ALK: variants seen among roughly 807,000 people sequenced by gnomAD.
The protein encoded by ALK is ALK tyrosine kinase receptor.
Under a neutral mutation model 163.1 loss-of-function variants are expected in ALK, and 74 were observed. That is an observed-to-expected ratio of 0.45 (90% CI 0.38 to 0.55). ALK has a LOEUF of 0.55. ALK is among the 20% of genes least tolerant of loss of function. The pLI, the probability that ALK is intolerant of heterozygous loss-of-function variation, is 0.00. For synonymous variants in ALK, 960 were observed against 843.2 expected (o/e 1.14, Z -2.40); for missense variants, 2,063 against 2,105.3 (o/e 0.98, Z 0.39).
chr2:29,642,792 A>C (rs566333697), intron 3 of ALK, among the ~76,000 whole-genome samples: 109 of 152,322 alleles, frequency 7.2e-4, no homozygotes, highest in Admixed American at 3.6e-3. Flanking sequence ...CTACATGGAT[A>C]AATCCCAATC....
At chr2:29,750,642 AGG>A (rs1680331971) in intron 1 of ALK, among the ~76,000 whole-genome samples, 1 of 56,636 alleles carries the variant, frequency 1.8e-5, no homozygotes, top group Non-Finnish European at 3.5e-5. Flanking sequence ...GAAGGAAGGA[AGG>A]AAGGAAGGAA....
At chr2:29,321,593 C>A (rs1299498148) in intron 6 of ALK, among the ~76,000 whole-genome samples, 3 of 152,150 alleles carry the variant, frequency 2.0e-5, no homozygotes, top group Admixed American at 6.5e-5. Context: ...TCTCTGTTCC[C>A]TTGCTGAAAC....
At chr2:29,901,014 C>CAAGCAAGA (rs1553377677) in intron 1 of ALK, among the ~76,000 whole-genome samples, 7 of 149,270 alleles carry the variant, frequency 4.7e-5, no homozygotes, top group Non-Finnish European at 8.8e-5. Flanking sequence ...AGCAAGCAAG[C>CAAGCAAGA]AAGCAAGCAA....
At chr2:29,572,912 C>T (rs867083664) in intron 3 of ALK, among the ~76,000 whole-genome samples, 43 of 152,220 alleles carry the variant, frequency 2.8e-4, no homozygotes, top group African/African-American at 1.0e-3. Flanking sequence ...CCATGCATCT[C>T]TGTGGCAAGC....
chr2:29,251,887 G>A (rs1558638898), intron 11 of ALK, among the ~76,000 whole-genome samples: 1 of 152,206 alleles, frequency 6.6e-6, no homozygotes, highest in East Asian at 1.9e-4. Context: ...GCACTCCCTG[G>A]CCATGGCTTG....
intron 1 of ALK, among the ~76,000 whole-genome samples, chr2:29,799,151 G>A (rs2148362896): frequency 6.6e-6 from 1 of 152,272 alleles, no homozygotes; most frequent in Non-Finnish European, 1.5e-5. Context: ...TCACCAGCCA[G>A]GTTACTATAA....
intron 1 of ALK, among the ~76,000 whole-genome samples, chr2:29,806,274 G>A (rs1198714639): frequency 1.3e-5 from 2 of 152,126 alleles, no homozygotes; most frequent in Non-Finnish European, 2.9e-5. Context: ...TGCTGTCAGT[G>A]GGGAGAGGTG....
At chr2:29,525,428 C>T (rs1672931557) in intron 4 of ALK, among the ~76,000 whole-genome samples, 1 of 152,186 alleles carries the variant, frequency 6.6e-6, no homozygotes, top group African/African-American at 2.4e-5. Flanking sequence ...CACCCAGAAT[C>T]CCTGCAGAGC....
chr2:29,334,743 G>A (rs2148264890), intron 5 of ALK, among the ~76,000 whole-genome samples: 1 of 152,268 alleles, frequency 6.6e-6, no homozygotes, highest in Non-Finnish European at 1.5e-5. Context: ...AGATTTCCAG[G>A]CTCCCTGGCA....
intron 2 of ALK, among the ~76,000 whole-genome samples, chr2:29,695,288 C>G (rs888959132): frequency 6.6e-6 from 1 of 152,190 alleles, no homozygotes; most frequent in Admixed American, 6.5e-5. Context: ...GTGAGAAGCT[C>G]TGCATCTTGT....
At chr2:29,487,208 A>G (rs1466271570) in intron 4 of ALK, among the ~76,000 whole-genome samples, 1 of 152,200 alleles carries the variant, frequency 6.6e-6, no homozygotes, top group Non-Finnish European at 1.5e-5. Context: ...GTTTGGGAGT[A>G]TGGTCCAAAA....
chr2:29,705,561 CAG>C lies in ALK; in HGVS notation c.788-10549_788-10548del, dbSNP rs551923546. On this transcript the variant is annotated intron_variant, in intron 2 of 28. Coordinates refer to ENST00000389048, the MANE Select transcript of ALK (RefSeq NM_004304.5). Reference sequence around the variant, plus strand: ...CCTCTCAGGGGGCTGGGAGAGGCACCAGAGTGTCTGGGGAGGCATTGCAGGGA... The same window carrying C: ...CCTCTCAGGGGGCTGGGAGAGGCACCAGTGTCTGGGGAGGCATTGCAGGGA... Among the ~76,000 whole-genome samples, 122 of 151,888 alleles carry C rather than the reference CAG, an allele frequency of 8.0e-4. 1 individual carries two copies. Among genetic ancestry groups the C allele is most frequent in the African/African-American group, 2.8e-3 (118 of 41,486 alleles).
chr2:29,479,325 A>C (rs1301508813), intron 4 of ALK, among the ~76,000 whole-genome samples: 3 of 152,198 alleles, frequency 2.0e-5, no homozygotes, highest in Non-Finnish European at 1.5e-5. Flanking sequence ...TTCTTCATAC[A>C]CAGATCTGTT....
rs145642245 is a variant in ALK at position 29,264,772 on chromosome 2, G to A, written c.2041+10327C>T. Among the ~76,000 whole-genome samples the A allele has an allele frequency of 6.2e-3, 937 of 152,254 alleles. 11 individuals are homozygous for A. The highest frequency in any genetic ancestry group is 0.021 in the African/African-American group (888 of 41,528). ...TGCTGGGACACTTTTGGCCCTTTGG[G>A]GCTCCTGTTTTAGTGTTAGAATGTT... On this transcript the variant is annotated intron_variant, in intron 11 of 28. Coordinates refer to ENST00000389048, the MANE Select transcript of ALK (RefSeq NM_004304.5).
At chr2:29,703,665 A>C (rs1260680144) in intron 2 of ALK, among the ~76,000 whole-genome samples, 1 of 152,202 alleles carries the variant, frequency 6.6e-6, no homozygotes, top group South Asian at 2.1e-4. Context: ...CCAATTGTCA[A>C]TCTGAAGGAG....
chr2:29,788,259 A>C (rs945293790), intron 1 of ALK, among the ~76,000 whole-genome samples: 7 of 152,162 alleles, frequency 4.6e-5, no homozygotes, highest in Admixed American at 3.3e-4. Context: ...TAGCCACAGC[A>C]CCTGTCATGA....
At chr2:29,886,181 G>A (rs1455312566) in intron 1 of ALK, among the ~76,000 whole-genome samples, 2 of 152,094 alleles carry the variant, frequency 1.3e-5, no homozygotes, top group Non-Finnish European at 2.9e-5. Context: ...TTTATTGTAA[G>A]AACACAGTAT....
intron 7 of ALK, among the ~76,000 whole-genome samples, 176 bp from the exon 8 acceptor site, chr2:29,318,580 T>TA (rs796593765): frequency 4.5e-4 from 68 of 152,022 alleles, no homozygotes; most frequent in African/African-American, 1.4e-3. Flanking sequence ...TTTTTTTTTT[T>TA]TTTTGAGACA....
At chr2:29,850,371 C>G (rs1319089135) in intron 1 of ALK, among the ~76,000 whole-genome samples, 1 of 152,008 alleles carries the variant, frequency 6.6e-6, no homozygotes, top group East Asian at 1.9e-4. Context: ...TGTGGGGAGG[C>G]AGGGGGAACA....
Sources: gnomAD v4.1 joint callset for allele counts (sites outside exome capture counted in the v4.1 genomes callset) on GRCh38, gnomAD v4.1.1 for gene constraint, MANE v1.5 for transcripts, NCBI Gene and HGNC (gene_info 2026-07-23, HGNC 2026-07-21) for gene names.